PRIM2: variants seen among roughly 807,000 people sequenced by gnomAD.
PRIM2 encodes DNA primase large subunit.
In PRIM2, 39 loss-of-function variants were observed where a neutral mutation model predicts 67.3. The observed-to-expected ratio is 0.58, with a 90% CI of 0.45 to 0.76. The LOEUF is 0.76. Among genes scored for constraint, PRIM2 ranks in the 30% least tolerant of loss-of-function variants. The pLI, the probability that PRIM2 is intolerant of heterozygous loss-of-function variation, is 0.00. For missense variants in PRIM2, 398 were observed against 598.7 expected (o/e 0.66, Z 3.50); for synonymous variants, 143 against 198.7 (o/e 0.72, Z 2.36).
At chr6:57,543,602 G>A (rs1775223605) in intron 10 of PRIM2, among the ~76,000 whole-genome samples, 1 of 152,248 alleles carries the variant, frequency 6.6e-6, no homozygotes, top group South Asian at 2.1e-4. Flanking sequence ...CTCTAACTCT[G>A]CAGCTACAAC....
At chr6:57,275,518 G>A in the PRIM2 span, among the ~76,000 whole-genome samples, 1 of 152,154 alleles carries the variant, frequency 6.6e-6, no homozygotes, top group African/African-American at 2.4e-5. Context: ...AGTAGATTAT[G>A]TTATTACTGG....
At chr6:57,383,574 T>TCAA (rs1770032985) in intron 7 of PRIM2, 1 of 119,332 alleles carries the variant, frequency 8.4e-6, no homozygotes, top group African/African-American at 3.1e-5. Flanking sequence ...TTTTTCTTGC[T>TCAA]AAAAAAAAAA....
chr6:57,581,805 A>G (rs2127485200), intron 10 of PRIM2, among the ~76,000 whole-genome samples: 1 of 152,316 alleles, frequency 6.6e-6, no homozygotes, highest in South Asian at 2.1e-4. Flanking sequence ...ATGAACATAC[A>G]GTCCAAAAAA....
At chr6:57,241,817 C>T in the PRIM2 span, among the ~76,000 whole-genome samples, 3 of 150,778 alleles carry the variant, frequency 2.0e-5, no homozygotes, top group Non-Finnish European at 2.9e-5. Context: ...GGACTACAGG[C>T]GCCCGCCACC....
chr6:57,619,525 G>A lies in PRIM2; in HGVS notation c.1231-12608G>A, dbSNP rs1418378385. 2.7e-4 allele frequency among the ~76,000 whole-genome samples: 41 copies of A among 152,300 alleles called. 1 individual carries two copies. Among genetic ancestry groups the A allele is most frequent in the African/African-American group, 9.4e-4 (39 of 41,576 alleles). ...CAAGGAAATTCAGAAAGTGACACAG[G>A]AAGTGAAGAGAGAAAGATTCAATGA... is the stretch of plus-strand genomic sequence containing the variant. On this transcript the variant is annotated intron_variant, in intron 12 of 13. Transcript: ENST00000615550.
At chr6:57,271,797 G>A in the PRIM2 span, among the ~76,000 whole-genome samples, 1 of 152,090 alleles carries the variant, frequency 6.6e-6, no homozygotes, top group Non-Finnish European at 1.5e-5. Context: ...ACACTGCTTT[G>A]AATGTGTCCC....
chr6:57,490,737 T>C (rs1554345901), intron 7 of PRIM2, among the ~76,000 whole-genome samples: 1 of 152,232 alleles, frequency 6.6e-6, no homozygotes, highest in Non-Finnish European at 1.5e-5. Flanking sequence ...TGAGGACCTC[T>C]GAAGGCAGAA....
At chr6:57,311,435 AGCCGGGC>A (rs1767387807), upstream of PRIM2, among the ~76,000 whole-genome samples, 1 of 113,928 alleles carries the variant, frequency 8.8e-6, no homozygotes, top group Non-Finnish European at 1.8e-5. Context: ...CATTCGGGGC[AGCCGGGC>A]AGAGGTGCTC....
intron 8 of PRIM2, among the ~76,000 whole-genome samples, chr6:57,522,570 A>G (rs1774648127): frequency 6.6e-6 from 1 of 152,176 alleles, no homozygotes; most frequent in Non-Finnish European, 1.5e-5. Context: ...AGGCTCAGCT[A>G]CTTGAACTCC....
At chr6:57,327,622 C>A (rs1767910159) in intron 5 of PRIM2, among the ~76,000 whole-genome samples, 1 of 152,230 alleles carries the variant, frequency 6.6e-6, no homozygotes. Flanking sequence ...AAACCCACTG[C>A]ATCTTCCACT....
At chr6:57,236,263 T>C in the PRIM2 span, among the ~76,000 whole-genome samples, 1 of 152,142 alleles carries the variant, frequency 6.6e-6, no homozygotes, top group Non-Finnish European at 1.5e-5. Flanking sequence ...TGACCTGTCA[T>C]TCTTCCTTCC....
chr6:57,409,015 A>G (rs1189190227), intron 7 of PRIM2, among the ~76,000 whole-genome samples: 1 of 152,028 alleles, frequency 6.6e-6, no homozygotes, highest in East Asian at 1.9e-4. Flanking sequence ...TTAATTTAAA[A>G]CATTTTTTCC....
intron 12 of PRIM2, among the ~76,000 whole-genome samples, chr6:57,626,370 G>A (rs1336806945): frequency 6.6e-6 from 1 of 152,144 alleles, no homozygotes; most frequent in Non-Finnish European, 1.5e-5. Flanking sequence ...GTTATAAATA[G>A]ACATACCTAT....
chr6:57,260,305 C>T, the PRIM2 span, among the ~76,000 whole-genome samples: 1 of 152,048 alleles, frequency 6.6e-6, no homozygotes, highest in African/African-American at 2.4e-5. Context: ...TGATATTGGA[C>T]CTTGAAATAT....
chr6:57,323,503 G>A (rs1217458052), intron 3 of PRIM2, among the ~76,000 whole-genome samples: 5 of 151,968 alleles, frequency 3.3e-5, no homozygotes, highest in Non-Finnish European at 1.5e-5. Flanking sequence ...TTTACTTCTC[G>A]GTTTCATCTG....
At chr6:57,262,498 C>A in the PRIM2 span, among the ~76,000 whole-genome samples, 1 of 152,150 alleles carries the variant, frequency 6.6e-6, no homozygotes, top group Middle Eastern at 3.2e-3. Context: ...TTTGCTTCTG[C>A]CCCAGCTCCC....
intron 7 of PRIM2, among the ~76,000 whole-genome samples, chr6:57,398,279 G>A (rs1770592080): frequency 6.6e-6 from 1 of 151,910 alleles, no homozygotes; most frequent in Non-Finnish European, 1.5e-5. Context: ...CTTTTTATGT[G>A]GCTATTTAGT....
At chr6:57,318,384 TC>T (rs1355603323) in intron 1 of PRIM2, 52 bp from the exon 2 acceptor site, 2 of 1,486,354 alleles carry the variant, frequency 1.3e-6, no homozygotes, top group African/African-American at 1.4e-5. Flanking sequence ...TTCTTTTTTT[TC>T]CCCCAACTTT....
At chr6:57,454,077 G>T (rs576877295) in intron 7 of PRIM2, among the ~76,000 whole-genome samples, 5 of 152,054 alleles carry the variant, frequency 3.3e-5, no homozygotes, top group Non-Finnish European at 5.9e-5. Context: ...CCGTTTATAT[G>T]TTGGATTACG....
Sources: allele counts gnomAD v4.1 joint callset (sites outside exome capture counted in the v4.1 genomes callset), GRCh38; gene constraint gnomAD v4.1.1; transcripts MANE v1.5; gene names NCBI Gene and HGNC (gene_info 2026-07-23, HGNC 2026-07-21).